Variants in UBAP2L observed in about 807,000 individuals in gnomAD.
The protein encoded by UBAP2L is ubiquitin-associated protein 2-like.
Under a neutral mutation model 130.6 loss-of-function variants are expected in UBAP2L, and 12 were observed. The observed-to-expected ratio is 0.09, with a 90% CI of 0.06 to 0.15. The LOEUF is 0.15. Ranked by LOEUF, UBAP2L falls within the 10% of genes least tolerant of loss-of-function variation. The probability of loss-of-function intolerance (pLI) is 1.00; values close to 1 mark genes in which losing one functional copy is unlikely to be tolerated. For missense variants in UBAP2L, 965 were observed against 1,332.5 expected, an observed-to-expected ratio of 0.72 and a Z score of 4.29; for synonymous variants, 503 against 524.7, an observed-to-expected ratio of 0.96 and a Z score of 0.57.
At chr1:154,248,080 G>C (rs1341275790) in intron 11 of UBAP2L, among the ~76,000 whole-genome samples, 1 of 151,796 alleles carries the variant, frequency 6.6e-6, no homozygotes, top group East Asian at 1.9e-4. Flanking sequence ...CAATTCTCCT[G>C]CCTCAGCCTC....
rs1679424241 is a variant in UBAP2L at position 154,255,769 on chromosome 1, T to C, written c.2157+14T>C. ...TCCACTCTTTTGGTAAGTGTGATGC[T>C]GAGAGGGATGTGTGGTTTTCTTACA... On this transcript the variant is annotated intron_variant, in intron 18 of 26. Transcript: ENST00000428931. 1 of 1,613,522 alleles carries C rather than the reference T, an allele frequency of 6.2e-7. No homozygotes were observed. Among genetic ancestry groups the C allele is most frequent in the African/African-American group, 1.3e-5 (1 of 75,028 alleles).
At chr1:154,266,707 G>T in intron 25 of UBAP2L, 139 bp downstream of exon 25, 2 of 865,942 alleles carry the variant, frequency 2.3e-6, no homozygotes. Context: ...TAAATGAAAG[G>T]TCTTCTCTAG....
At chr1:154,221,064 T>C in intron 1 of UBAP2L, 89 bp downstream of exon 1, 1 of 180,562 alleles carries the variant, frequency 5.5e-6, no homozygotes, top group South Asian at 7.6e-5. Context: ...CCCCTTTAAA[T>C]CCGCGATCCC....
intron 11 of UBAP2L, among the ~76,000 whole-genome samples, chr1:154,247,979 T>A (rs918059424): frequency 2.1e-4 from 32 of 151,736 alleles, no homozygotes; most frequent in African/African-American, 7.2e-4. Context: ...TTTTTTATTT[T>A]TTTTTGAGAC....
chr1:154,220,944 C>T (rs1665677990), upstream of UBAP2L: 1 of 179,018 alleles, frequency 5.6e-6, no homozygotes, highest in Non-Finnish European at 1.2e-5. Context: ...AGGGGCGGCG[C>T]GGCCCGGGGT....
chr1:154,257,419 G>A lies in UBAP2L; in HGVS notation c.2427G>A (p.Leu809=), dbSNP rs1390232775. 1 of 1,612,788 alleles carries A rather than the reference G, an allele frequency of 6.2e-7. No individual in the cohort carries two copies. The highest frequency in any genetic ancestry group is 2.2e-5 in the East Asian group (1 of 44,890). ...ATCCGTATATTATGGCTCCAGGGCT[G>A]TTACATGCCTACCCGGTAAGTGGGA... is the stretch of plus-strand genomic sequence containing the variant. ...LPNPYIMAPG[L]LHAYPPQVYG... is the part of the protein sequence containing the mutation. The change falls in exon 20 of 27, where the codon CTG becomes CTA. Residue 809 remains leucine (L), a synonymous_variant. Transcript: ENST00000428931.
At chr1:154,261,461 A>G (rs1681521644) in intron 23 of UBAP2L, 131 bp from the exon 24 acceptor site, 1 of 875,844 alleles carries the variant, frequency 1.1e-6, no homozygotes, top group Non-Finnish European at 1.9e-6. Flanking sequence ...AGCTAATTTC[A>G]CTAAGCAAAC....
intron 9 of UBAP2L, 58 bp downstream of exon 9, chr1:154,241,623 G>A: frequency 6.2e-7 from 1 of 1,605,008 alleles, no homozygotes; most frequent in South Asian, 1.1e-5. Flanking sequence ...GTTGTTTAGG[G>A]ATAGAAAATG....
chr1:154,246,441 C>G, intron 11 of UBAP2L, 66 bp downstream of exon 11: 1 of 1,519,246 alleles, frequency 6.6e-7, no homozygotes. Context: ...ATACACAGTT[C>G]CTTCCAAAGA....
At chr1:154,258,946 C>G in intron 20 of UBAP2L, 31 bp from the exon 21 acceptor site, 1 of 1,600,834 alleles carries the variant, frequency 6.2e-7, no homozygotes, top group Non-Finnish European at 8.6e-7. Context: ...ATGACCAGTT[C>G]CTGTTATTGC....
At position 154,255,211 on chromosome 1, in the gene UBAP2L, A is replaced by C; in HGVS notation, c.1969A>C (p.Asn657His). Residue 657 changes from asparagine (N) to histidine (H), a missense_variant, in exon 17 of 27, where the codon AAT (asparagine) becomes CAT (histidine). This residue lies in a region of UBAP2L where 393 missense variants were observed against 408.1 expected (regional missense o/e 0.96). Transcript: ENST00000428931. ...SPSTSSIPPL[N>H]ETVSAASLLT... is the part of the protein sequence containing the mutation. ...TTCCACTTCTAGCATCCCCCCTCTC[A>C]ATGAAACGGTATCTGCAGCTTCCTT... is the stretch of plus-strand genomic sequence containing the variant. 1 of 1,614,142 alleles carries C rather than the reference A, an allele frequency of 6.2e-7. No homozygotes were observed. Among genetic ancestry groups the C allele is most frequent in the African/African-American group, 1.3e-5 (1 of 75,044 alleles).
chr1:154,246,016 T>C (rs1675355269), intron 10 of UBAP2L, among the ~76,000 whole-genome samples, 188 bp from the exon 11 acceptor site: 1 of 152,240 alleles, frequency 6.6e-6, no homozygotes, highest in African/African-American at 2.4e-5. Context: ...GGAATTCAGC[T>C]ATATACTGTA....
chr1:154,232,644 A>C (rs12025237), intron 4 of UBAP2L, among the ~76,000 whole-genome samples: 15,711 of 152,166 alleles, frequency 0.1, 1,330 homozygotes, highest in East Asian at 0.44. Context: ...GGCTTTGTAT[A>C]ATCAGTATCT....
chr1:154,262,744 A>G (rs1681971850), intron 24 of UBAP2L, among the ~76,000 whole-genome samples: 1 of 152,096 alleles, frequency 6.6e-6, no homozygotes, highest in East Asian at 1.9e-4. Context: ...AAATTAAACA[A>G]ATCCTGAGAA....
intron 4 of UBAP2L, among the ~76,000 whole-genome samples, chr1:154,233,537 C>A (rs151150431): frequency 0.011 from 1,681 of 146,598 alleles, 21 homozygotes; most frequent in Non-Finnish European, 0.019. Context: ...GTTGGCCAGG[C>A]TGGTCTCAAA....
chr1:154,269,152 C>T (rs1321871191), intron 26 of UBAP2L, 198 bp downstream of exon 26: 3 of 881,094 alleles, frequency 3.4e-6, no homozygotes, highest in Non-Finnish European at 5.2e-6. Flanking sequence ...CAGAGAAGGG[C>T]CGGGTTGAAA....
In UBAP2L at chr1:154,254,511, T is replaced by TA. The variant is rs1678951846; in HGVS notation, c.1855-324dup. On this transcript the variant is annotated intron_variant, in intron 15 of 26. Transcript: ENST00000428931. ...GGTGGTGTGGCTGAACTGTTGTACT[T>TA]ACCCTTCCCCAAAAATCACTGGATG... 3 of 471,142 alleles carry TA rather than the reference T, an allele frequency of 6.4e-6. No homozygotes were observed. In the East Asian group the frequency reaches 1.3e-4, roughly 20 times the overall value. The allele number at this position is 471,142 out of a possible 1,614,324, so 29.2% of individuals were successfully genotyped here.
chr1:154,259,984 C>T lies in UBAP2L; in HGVS notation c.2533C>T (p.Pro845Ser), dbSNP rs774839660. The T allele has an allele frequency of 6.2e-7, 1 of 1,614,076 alleles. No homozygotes were observed. The highest frequency in any genetic ancestry group is 8.5e-7 in the Non-Finnish European group (1 of 1,180,046). ...CATCCCATTTCCCACACCCACTACT[C>T]CGCTGACTGGGAGGGATGGTAGCCT... ...YSIPFPTPTT[P>S]LTGRDGSLAS... The change falls in exon 22 of 27, where the codon CCG becomes TCG. Residue 845 changes from proline (P) to serine (S), a missense_variant. Transcript: ENST00000428931.
In UBAP2L at chr1:154,246,289, C is replaced by T; in HGVS notation, c.928C>T (p.Leu310=). The part of the protein sequence containing the change: ...SNLDPSQAPS[L]AQPLVFSNSK... ...TCTGGATCCGTCTCAGGCTCCTTCT[C>T]TGGCCCAGCCTCTGGTGTTCAGTAA... is the stretch of plus-strand genomic sequence containing the variant. The change falls in exon 11 of 27, where the codon CTG becomes TTG. Residue 310 remains leucine (L), a synonymous_variant. Transcript: ENST00000428931. 6.2e-7 allele frequency: 1 copy of T among 1,613,868 alleles called. No homozygotes were observed. Among genetic ancestry groups the T allele is most frequent in the South Asian group, 1.1e-5 (1 of 91,066 alleles).
Sources: allele counts gnomAD v4.1 joint callset (sites outside exome capture counted in the v4.1 genomes callset), GRCh38; gene constraint gnomAD v4.1.1; regional missense constraint gnomAD v4.1.1; transcripts MANE v1.5; gene names NCBI Gene and HGNC (gene_info 2026-07-23, HGNC 2026-07-21).